Variants in EYS observed in about 807,000 individuals in gnomAD.
EYS encodes the protein EGF-like photoreceptor maintenance factor.
EYS carries 250 observed loss-of-function variants against 282.1 expected under a neutral mutation model. The observed-to-expected ratio is 0.89, with a 90% CI of 0.80 to 0.98. The LOEUF is 0.98. Among genes scored for constraint, EYS ranks in the 50% least tolerant of loss-of-function variants. The pLI is 0.00. For synonymous variants in EYS, 1,355 were observed against 1,282.9 expected (o/e 1.06, Z -1.20); for missense variants, 4,016 against 3,709.0 (o/e 1.08, Z -2.15).
intron 8 of EYS, among the ~76,000 whole-genome samples, chr6:65,358,038 A>T (rs1202795795): frequency 1.3e-5 from 2 of 151,968 alleles, no homozygotes; most frequent in African/African-American, 4.8e-5. Context: ...CTTAAGTTTC[A>T]CAGCGACCTC....
At chr6:64,963,912 A>C (rs9453136) in intron 14 of EYS, among the ~76,000 whole-genome samples, 194 of 152,302 alleles carry the variant, frequency 1.3e-3, no homozygotes, top group African/African-American at 4.5e-3. Context: ...TACATAATAT[A>C]GAATTACAAT....
chr6:64,860,960 G>T (rs1157955202), intron 19 of EYS, among the ~76,000 whole-genome samples: 1 of 152,204 alleles, frequency 6.6e-6, no homozygotes, highest in Non-Finnish European at 1.5e-5. Flanking sequence ...GTGCTGATTG[G>T]ACTATGGGTG....
At chr6:64,696,752 T>C (rs933315209) in intron 22 of EYS, among the ~76,000 whole-genome samples, 2 of 152,018 alleles carry the variant, frequency 1.3e-5, no homozygotes, top group African/African-American at 4.8e-5. Context: ...ATAACCTTCA[T>C]GAAAAAAAGA....
At chr6:65,402,793 T>A (rs1236153966) in intron 6 of EYS, among the ~76,000 whole-genome samples, 188 bp from the exon 7 acceptor site, 3 of 152,084 alleles carry the variant, frequency 2.0e-5, no homozygotes, top group Non-Finnish European at 2.9e-5. Flanking sequence ...ACACTCTTCC[T>A]GCTATGTGAA....
intron 12 of EYS, among the ~76,000 whole-genome samples, chr6:65,243,113 ACTTAAT>A: frequency 6.9e-6 from 1 of 144,716 alleles, no homozygotes; most frequent in Admixed American, 6.8e-5. Flanking sequence ...CAAAAAATAA[ACTTAAT>A]TTTGTCAGGC....
At chr6:63,952,016 T>A (rs1765617059) in intron 35 of EYS, among the ~76,000 whole-genome samples, 1 of 152,152 alleles carries the variant, frequency 6.6e-6, no homozygotes, top group Non-Finnish European at 1.5e-5. Context: ...AGTACTCAAC[T>A]AACCTCACCT....
intron 22 of EYS, among the ~76,000 whole-genome samples, chr6:64,801,563 T>C (rs1455683401): frequency 6.6e-6 from 1 of 152,146 alleles, no homozygotes; most frequent in African/African-American, 2.4e-5. Context: ...ACTGACTCTG[T>C]AAATTTCTAC....
At chr6:64,236,037 C>T (rs1467457958) in intron 30 of EYS, among the ~76,000 whole-genome samples, 1 of 152,204 alleles carries the variant, frequency 6.6e-6, no homozygotes, top group Non-Finnish European at 1.5e-5. Flanking sequence ...GAATTTTAGA[C>T]CAATATCCTT....
At chr6:64,057,778 T>C (rs1354732248) in intron 33 of EYS, among the ~76,000 whole-genome samples, 1 of 152,184 alleles carries the variant, frequency 6.6e-6, no homozygotes, top group African/African-American at 2.4e-5. Context: ...AACATATTAC[T>C]TTCATATATT....
At chr6:65,301,824 T>C (rs1268577482) in intron 11 of EYS, among the ~76,000 whole-genome samples, 1 of 152,290 alleles carries the variant, frequency 6.6e-6, no homozygotes, top group East Asian at 1.9e-4. Flanking sequence ...GCCTATACTG[T>C]TGACATCTTC....
intron 28 of EYS, among the ~76,000 whole-genome samples, chr6:64,393,504 C>A (rs969214544): frequency 4.0e-4 from 61 of 152,156 alleles, no homozygotes; most frequent in African/African-American, 1.4e-3. Flanking sequence ...TGTAATCCAG[C>A]ATATAAACAG....
At chr6:65,198,415 C>T (rs1765821655) in intron 12 of EYS, among the ~76,000 whole-genome samples, 1 of 152,114 alleles carries the variant, frequency 6.6e-6, no homozygotes, top group Admixed American at 6.6e-5. Flanking sequence ...GCCAGTCTCA[C>T]AGTAGTTTAT....
intron 31 of EYS, among the ~76,000 whole-genome samples, chr6:64,141,314 G>T (rs527740839): frequency 6.6e-6 from 1 of 152,296 alleles, no homozygotes; most frequent in South Asian, 2.1e-4. Flanking sequence ...AAGCCAGAAG[G>T]CTTTTGTCCT....
intron 31 of EYS, among the ~76,000 whole-genome samples, chr6:64,152,523 G>C (rs1377445177): frequency 6.6e-6 from 1 of 152,100 alleles, no homozygotes; most frequent in African/African-American, 2.4e-5. Context: ...TCAATTTTTA[G>C]TAGTTTAGGG....
chr6:64,463,121 T>C (rs528063976), intron 26 of EYS, among the ~76,000 whole-genome samples: 43 of 151,838 alleles, frequency 2.8e-4, no homozygotes, highest in Non-Finnish European at 4.9e-4. Flanking sequence ...TATTTATTTT[T>C]TGGATTTTTT....
At chr6:64,854,722 C>T (rs921315196) in intron 19 of EYS, among the ~76,000 whole-genome samples, 2 of 151,874 alleles carry the variant, frequency 1.3e-5, no homozygotes, top group Admixed American at 6.6e-5. Flanking sequence ...TGCACATGTA[C>T]CCTAACAGTT....
At chr6:65,612,194 CTGTATATATA>C (rs1048803729) in intron 2 of EYS, among the ~76,000 whole-genome samples, 8 of 150,496 alleles carry the variant, frequency 5.3e-5, no homozygotes, top group Non-Finnish European at 1.0e-4. Flanking sequence ...AATGTAAACC[CTGTATATATA>C]TGTATATATA....
intron 35 of EYS, among the ~76,000 whole-genome samples, chr6:63,972,642 C>G (rs1299437634): frequency 6.6e-6 from 1 of 152,054 alleles, no homozygotes; most frequent in Non-Finnish European, 1.5e-5. Flanking sequence ...CTGCACCCAT[C>G]AACCCATCAT....
At chr6:64,686,809 GTA>G (rs1382152433) in intron 22 of EYS, among the ~76,000 whole-genome samples, 6 of 46,462 alleles carry the variant, frequency 1.3e-4, no homozygotes, top group African/African-American at 3.2e-4. Context: ...ATATATGTGT[GTA>G]TATATATATG....
Sources: allele counts gnomAD v4.1 joint callset (sites outside exome capture counted in the v4.1 genomes callset), GRCh38; gene constraint gnomAD v4.1.1; transcripts MANE v1.5; gene names NCBI Gene and HGNC (gene_info 2026-07-23, HGNC 2026-07-21).